Variants in CLINT1 observed in about 807,000 individuals in gnomAD.
CLINT1 encodes clathrin interactor 1.
A neutral mutation model predicts 70.4 loss-of-function variants in CLINT1; 15 were observed. The ratio of observed to expected loss-of-function variants is 0.21; its 90% CI spans 0.14 to 0.33. The LOEUF is 0.33. Ranked by LOEUF, CLINT1 falls within the 10% of genes least tolerant of loss-of-function variation. The pLI is 1.00. For missense variants in CLINT1, 615 were observed against 778.1 expected (o/e 0.79, Z 2.49); for synonymous variants, 227 against 254.7 (o/e 0.89, Z 1.04).
At position 157,816,758 on chromosome 5, in the gene CLINT1, TTTG is replaced by T. The variant is rs1247264500; in HGVS notation, c.216_218del (p.Asn72del). The T allele has an allele frequency of 1.2e-6, 2 of 1,610,654 alleles. No homozygotes were observed. The highest frequency in any genetic ancestry group is 1.1e-5 in the South Asian group (1 of 90,552). The stretch of plus-strand genomic sequence containing the variant: ...CCTTATAAACTCTTCTCCAATTCTT[TTTG>T]TTGTCTTTTAACATTCGTGACCAAA... On this transcript the variant is annotated inframe_deletion, in exon 3 of 12. Transcript: ENST00000411809.
intron 8 of CLINT1, among the ~76,000 whole-genome samples, chr5:157,801,715 C>T (rs1029215601): frequency 2.6e-5 from 4 of 152,062 alleles, no homozygotes; most frequent in African/African-American, 4.8e-5. Flanking sequence ...TGACTGTAAT[C>T]CCAGCTACTC....
At position 157,787,013 on chromosome 5, in the gene CLINT1, T is replaced by C. The variant is rs1761746012; in HGVS notation, c.*633A>G. The C allele has an allele frequency of 6.6e-6, 1 of 152,644 alleles. No homozygotes were observed. The highest frequency in any genetic ancestry group is 2.1e-4 in the South Asian group (1 of 4,824). 9.5% of individuals were successfully genotyped at this position (152,644 alleles called of 1,614,324 possible). ...GGAAAAGTCCCATGGCAATCACCAATTGCTTAAAGAGGTTTTGTTACAATA... is the reference window on the plus strand; with the variant it reads ...GGAAAAGTCCCATGGCAATCACCAACTGCTTAAAGAGGTTTTGTTACAATA... On this transcript the variant is annotated 3_prime_UTR_variant, in exon 12 of 12. Coordinates refer to ENST00000411809, the MANE Select transcript of CLINT1 (RefSeq NM_014666.4).
At chr5:157,852,796 G>A (rs1753618174) in intron 1 of CLINT1, among the ~76,000 whole-genome samples, 1 of 152,164 alleles carries the variant, frequency 6.6e-6, no homozygotes. Context: ...TAGTGGCAAA[G>A]TATATTTGGC....
chr5:157,810,879 T>C lies in CLINT1; in HGVS notation c.518-1074A>G, dbSNP rs565587642. ...AAAAGGATACATAGCCTTTGGAGAT[T>C]GAACAAAACGATTTTGCTGAATTGC... On this transcript the variant is annotated intron_variant, in intron 5 of 11. Transcript: ENST00000411809. Among the ~76,000 whole-genome samples the C allele has an allele frequency of 2.1e-3, 323 of 152,314 alleles. 2 individuals carry two copies. The highest frequency in any genetic ancestry group is 6.7e-3 in the African/African-American group (277 of 41,574).
intron 5 of CLINT1, among the ~76,000 whole-genome samples, chr5:157,812,738 T>C (rs1762601756): frequency 6.6e-6 from 1 of 152,202 alleles, no homozygotes; most frequent in Non-Finnish European, 1.5e-5. Flanking sequence ...CTCTGAGTTA[T>C]AGAAACTTTC....
intron 1 of CLINT1, among the ~76,000 whole-genome samples, chr5:157,828,035 GTAT>G (rs1348771978): frequency 1.3e-5 from 2 of 152,138 alleles, no homozygotes; most frequent in Non-Finnish European, 2.9e-5. Context: ...AGGTACCTAT[GTAT>G]TATTATCATT....
At chr5:157,822,212 C>CTT (rs11344096) in intron 1 of CLINT1, among the ~76,000 whole-genome samples, 3 of 143,700 alleles carry the variant, frequency 2.1e-5, no homozygotes, top group Non-Finnish European at 3.1e-5. Flanking sequence ...ATTTGATGGT[C>CTT]TTTTTTTTTT....
Position 157,791,685 on chromosome 5 carries a change from G to T in CLINT1, c.1380+18C>A. ...AAAGATTATAAATAACAAATTCCAAGGGAACCAGACAACTTACCTGTGATC... is the reference window on the plus strand; with the variant it reads ...AAAGATTATAAATAACAAATTCCAATGGAACCAGACAACTTACCTGTGATC... On this transcript the variant is annotated intron_variant, in intron 10 of 11. Coordinates refer to ENST00000411809, the MANE Select transcript of CLINT1 (RefSeq NM_014666.4). 1 of 1,585,798 alleles carries T rather than the reference G, an allele frequency of 6.3e-7. No homozygotes were observed. The highest frequency in any genetic ancestry group is 8.6e-7 in the Non-Finnish European group (1 of 1,166,736).
At chr5:157,828,927 TAAAAA>T (rs11379662) in intron 1 of CLINT1, among the ~76,000 whole-genome samples, 1 of 103,372 alleles carries the variant, frequency 9.7e-6, no homozygotes, top group African/African-American at 3.9e-5. Flanking sequence ...TGTCTCTACT[TAAAAA>T]AAAAAAAAAA....
rs569493504 is a variant in CLINT1 at position 157,822,316 on chromosome 5, A to G, written c.42-4769T>C. Among the ~76,000 whole-genome samples the G allele has an allele frequency of 4.6e-5, 7 of 152,110 alleles. No individual in the cohort carries two copies. In the South Asian group the frequency reaches 1.5e-3, roughly 32 times the overall value. ...CTGCAACCGTTAACTCGTCATTTAC[A>G]TGAGGCATATGTAATGCTATCCCTC... On this transcript the variant is annotated intron_variant, in intron 1 of 11. Coordinates refer to ENST00000411809, the MANE Select transcript of CLINT1 (RefSeq NM_014666.4).
intron 3 of CLINT1, among the ~76,000 whole-genome samples, chr5:157,815,169 GCAC>G (rs1561651464): frequency 6.7e-6 from 1 of 150,366 alleles, no homozygotes; most frequent in Non-Finnish European, 1.5e-5. Flanking sequence ...GTATTGTGGC[GCAC>G]ACCTGTAGTC....
chr5:157,820,835 C>A (rs1008737186), intron 1 of CLINT1, among the ~76,000 whole-genome samples: 16 of 152,118 alleles, frequency 1.1e-4, no homozygotes, highest in African/African-American at 3.4e-4. Context: ...ATATCACAGA[C>A]GCTAGAGGGG....
intron 1 of CLINT1, among the ~76,000 whole-genome samples, chr5:157,835,692 A>T (rs956678037): frequency 6.6e-6 from 1 of 152,154 alleles, no homozygotes; most frequent in African/African-American, 2.4e-5. Context: ...AGATATGAAC[A>T]AGGGAACTAA....
At chr5:157,818,469 A>C (rs1342917014) in intron 1 of CLINT1, among the ~76,000 whole-genome samples, 1 of 139,094 alleles carries the variant, frequency 7.2e-6, no homozygotes, top group Non-Finnish European at 1.5e-5. Context: ...CTGGTCTCTA[A>C]AAAAAAAAAA....
intron 1 of CLINT1, among the ~76,000 whole-genome samples, chr5:157,820,246 C>T (rs746315457): frequency 1.3e-5 from 2 of 152,086 alleles, no homozygotes; most frequent in African/African-American, 2.4e-5. Context: ...CCTAGAAGTT[C>T]GATACCAGCC....
chr5:157,818,724 T>A (rs1762794780), intron 1 of CLINT1, among the ~76,000 whole-genome samples: 1 of 152,148 alleles, frequency 6.6e-6, no homozygotes, highest in Non-Finnish European at 1.5e-5. Flanking sequence ...TATTTTTATA[T>A]GAAAGAATTC....
intron 1 of CLINT1, among the ~76,000 whole-genome samples, chr5:157,856,028 T>A (rs908192147): frequency 6.6e-6 from 1 of 152,222 alleles, no homozygotes; most frequent in African/African-American, 2.4e-5. Context: ...CAGAGTACAT[T>A]TCTTTTTCTG....
intron 8 of CLINT1, chr5:157,796,085 A>C (rs1354522029): frequency 6.6e-6 from 1 of 152,210 alleles, no homozygotes. Flanking sequence ...AGAGGGAGAA[A>C]TATCAATACA....
intron 1 of CLINT1, among the ~76,000 whole-genome samples, chr5:157,841,318 C>G (rs773602525): frequency 1.3e-5 from 2 of 151,518 alleles, no homozygotes; most frequent in Non-Finnish European, 2.9e-5. Flanking sequence ...ATAATCCCAG[C>G]ACTTTGGGAG....
Sources: allele counts gnomAD v4.1 joint callset (sites outside exome capture counted in the v4.1 genomes callset), GRCh38; gene constraint gnomAD v4.1.1; transcripts MANE v1.5; gene names NCBI Gene and HGNC (gene_info 2026-07-23, HGNC 2026-07-21).